Variants in PASD1 observed in about 807,000 individuals in gnomAD.
The protein encoded by PASD1 is PAS domain containing repressor 1, also known as circadian clock protein PASD1.
PASD1 carries 13 observed loss-of-function variants against 58.8 expected under a neutral mutation model. The ratio of observed to expected loss-of-function variants is 0.22; its 90% CI spans 0.14 to 0.35. PASD1 has a LOEUF of 0.35. PASD1 is among the 10% of genes least tolerant of loss of function. PASD1 has a pLI of 1.00. For missense variants in PASD1, 734 were observed against 568.3 expected (o/e 1.29, Z -2.96); for synonymous variants, 236 against 216.7 (o/e 1.09, Z -0.78).
At chrX:151,633,588 A>G (rs1043623305) in intron 8 of PASD1, among the ~76,000 whole-genome samples, 3 of 111,809 alleles carry the variant, frequency 2.7e-5, no homozygotes, top group African/African-American at 9.7e-5. Context: ...CATTTTCTTT[A>G]TGATGTGATC....
chrX:151,638,432 T>G (rs926762027), intron 8 of PASD1, among the ~76,000 whole-genome samples: 2 of 104,348 alleles, frequency 1.9e-5, no homozygotes, highest in Non-Finnish European at 3.9e-5. Context: ...ACCCTAGAAC[T>G]TAAAGTAAAA....
At chrX:151,571,075 C>T (rs180751710) in intron 1 of PASD1, among the ~76,000 whole-genome samples, 2 of 111,844 alleles carry the variant, frequency 1.8e-5, no homozygotes, top group South Asian at 3.8e-4. Flanking sequence ...TTGTGCAAGG[C>T]TGGGGGATCA....
chrX:151,565,097 T>G lies in PASD1; in HGVS notation c.-28+1258T>G, dbSNP rs767601105. Reference sequence around the variant, plus strand: ...CAGGAACAGAATCAGGCATCCTGGTTTTTTTGAGGTATCCCTACTGACTGG... The same window carrying G: ...CAGGAACAGAATCAGGCATCCTGGTGTTTTTGAGGTATCCCTACTGACTGG... On this transcript the variant is annotated intron_variant, in intron 1 of 15. Transcript: ENST00000370357. Among the ~76,000 whole-genome samples, 15 of 112,018 alleles carry G rather than the reference T, an allele frequency of 1.3e-4. 1 individual carries two copies. The South Asian group carries it at 1.9e-3, about 14-fold the overall frequency.
Position 151,671,681 on chromosome X carries a change from C to T in PASD1, c.1339C>T (p.Pro447Ser), listed in dbSNP as rs749117476. The T allele has an allele frequency of 2.2e-5, 27 of 1,208,748 alleles. No individual in the cohort carries two copies. The East Asian group carries it at 2.7e-4, about 12-fold the overall frequency. Residue 447 changes from proline to serine, a missense_variant, in exon 13 of 16, where the codon CCA becomes TCA. Physicochemically the swap from Pro to Ser is moderately conservative, Grantham distance 74. Coordinates refer to ENST00000370357, the MANE Select transcript of PASD1 (RefSeq NM_173493.3). ...QHAGQVKRPL[P>S]HPKDVKCFCG... ...CGCTGGGCAAGTGAAGCGGCCTCTC[C>T]CACATCCCAAGGACGTCAAGTGTTT...
Position 151,676,173 on chromosome X carries a change from A to G in PASD1, c.*30A>G. 8.4e-7 allele frequency: 1 copy of G among 1,185,342 alleles called. No individual in the cohort carries two copies. The highest frequency in any genetic ancestry group is 1.1e-6 in the Non-Finnish European group (1 of 878,944). On this transcript the variant is annotated 3_prime_UTR_variant, in exon 16 of 16. Coordinates refer to ENST00000370357, the MANE Select transcript of PASD1 (RefSeq NM_173493.3). ...ACTTTCATGACCAGTGATGAGGGGA[A>G]ATGGGGGGAGGGGGCAGGCCAATGA...
chrX:151,592,177 G>GA (rs2013259700), intron 1 of PASD1, among the ~76,000 whole-genome samples: 1 of 111,878 alleles, frequency 8.9e-6, no homozygotes, highest in Admixed American at 9.5e-5. Context: ...AAGTTACATA[G>GA]AAAAACAAAG....
chrX:151,669,005 TA>T (rs1245450646), intron 11 of PASD1, among the ~76,000 whole-genome samples: 13 of 108,143 alleles, frequency 1.2e-4, no homozygotes, highest in Non-Finnish European at 2.3e-4. Flanking sequence ...GCCTCCTGAG[TA>T]CCTGGGATTA....
intron 9 of PASD1, among the ~76,000 whole-genome samples, chrX:151,658,687 G>A (rs1485987450): frequency 8.9e-6 from 1 of 112,185 alleles, no homozygotes; most frequent in African/African-American, 3.2e-5. Context: ...GAACAGTGAG[G>A]TTGCACAGTT....
intron 11 of PASD1, among the ~76,000 whole-genome samples, chrX:151,666,547 A>C (rs2124313670): frequency 9.8e-6 from 1 of 102,162 alleles, no homozygotes; most frequent in Non-Finnish European, 2.0e-5. Flanking sequence ...CCCCCACCCC[A>C]TGACAGGCCC....
At chrX:151,588,845 A>G (rs1158083170) in intron 1 of PASD1, among the ~76,000 whole-genome samples, 3 of 111,922 alleles carry the variant, frequency 2.7e-5, no homozygotes, top group Middle Eastern at 4.6e-3. Context: ...ATTCTGCTCA[A>G]TTAGGCCCAG....
At chrX:151,600,452 A>G (rs2013400963) in intron 1 of PASD1, among the ~76,000 whole-genome samples, 2 of 111,461 alleles carry the variant, frequency 1.8e-5, no homozygotes, top group South Asian at 7.6e-4. Context: ...GAAGGGGTTT[A>G]TCTTTGCTTT....
intron 8 of PASD1, among the ~76,000 whole-genome samples, chrX:151,645,479 G>A: frequency 8.9e-6 from 1 of 112,097 alleles, no homozygotes; most frequent in Middle Eastern, 4.6e-3. Flanking sequence ...ATTCAGCAGT[G>A]TTGAGCACTT....
chrX:151,637,782 C>T (rs1176358147), intron 8 of PASD1, among the ~76,000 whole-genome samples: 1 of 111,780 alleles, frequency 8.9e-6, no homozygotes, highest in Non-Finnish European at 1.9e-5. Context: ...AATTTGCATT[C>T]CCCCTAAGGA....
intron 9 of PASD1, among the ~76,000 whole-genome samples, chrX:151,656,331 A>G (rs1342643664): frequency 1.4e-4 from 16 of 111,270 alleles, no homozygotes; most frequent in African/African-American, 5.2e-4. Flanking sequence ...TTGTCTTGGC[A>G]ATGCGGGCTC....
intron 4 of PASD1, among the ~76,000 whole-genome samples, chrX:151,620,065 T>C (rs184110156): frequency 2.9e-4 from 33 of 112,266 alleles, no homozygotes; most frequent in African/African-American, 1.0e-3. Context: ...GTTGTTTTTG[T>C]TTTCCTGATT....
chrX:151,611,624 G>A (rs201216837), intron 3 of PASD1, 40 bp from the exon 4 acceptor site: 21 of 951,539 alleles, frequency 2.2e-5, no homozygotes, highest in Non-Finnish European at 2.9e-5. Context: ...TTTTATTATT[G>A]TTCCACTATT....
chrX:151,611,607 A>G (rs909962970), intron 3 of PASD1, 57 bp from the exon 4 acceptor site: 4 of 867,020 alleles, frequency 4.6e-6, no homozygotes, highest in Non-Finnish European at 6.6e-6. Flanking sequence ...TAGCAATAAA[A>G]CTATCATTTT....
rs28411865 is a variant in PASD1, at chrX:151,653,438, C to T, written c.717+4736C>T. On this transcript the variant is annotated intron_variant, in intron 9 of 15. Transcript: ENST00000370357. ...AACTTCTGACCTCAGGTGATCCACC[C>T]GCTTCGGCCTCCCAAAGTGCTGGGA... Among the ~76,000 whole-genome samples the T allele has an allele frequency of 9.8e-3, 1,077 of 109,996 alleles. 6 individuals carry two copies. The highest frequency in any genetic ancestry group is 0.028 in the South Asian group (70 of 2,500).
At position 151,659,912 on chromosome X, in the gene PASD1, A is replaced by G. The variant is rs909895865; in HGVS notation, c.841+76A>G. 9 of 989,593 alleles carry G rather than the reference A, an allele frequency of 9.1e-6. No homozygotes were observed. The African/African-American group carries it at 1.4e-4, about 15-fold the overall frequency. The allele number at this position is 989,593 out of a possible 1,213,427, so 81.6% of individuals were successfully genotyped here. A position where few individuals can be genotyped will look rare whatever the true frequency, so the allele number is the denominator to read the frequency against. On this transcript the variant is annotated intron_variant, in intron 10 of 15. Coordinates refer to ENST00000370357, the MANE Select transcript of PASD1 (RefSeq NM_173493.3). ...CCCCCAGGGTAGTTACAGTTTTTCA[A>G]ATGAATATAATGCTCTATAATACTG...
Sources: allele counts gnomAD v4.1 joint callset (sites outside exome capture counted in the v4.1 genomes callset), GRCh38; gene constraint gnomAD v4.1.1; transcripts MANE v1.5; gene names NCBI Gene and HGNC (gene_info 2026-07-23, HGNC 2026-07-21).